The following LEPR variants were observed in gnomAD, a reference collection of about 807,000 sequenced individuals.
LEPR encodes the protein leptin receptor, also known as OB receptor.
A neutral mutation model predicts 114.7 loss-of-function variants in LEPR; 56 were observed. The observed-to-expected ratio is 0.49, with a 90% confidence interval of 0.39 to 0.61. LEPR has a LOEUF of 0.61. Ranked by LOEUF, LEPR falls within the 20% of genes least tolerant of loss-of-function variation. LEPR has a pLI of 0.00. For synonymous variants in LEPR, 443 were observed against 461.4 expected, an observed-to-expected ratio of 0.96 and a Z score of 0.51; for missense variants, 1,202 against 1,352.9, an observed-to-expected ratio of 0.89 and a Z score of 1.75.
intron 2 of LEPR, among the ~76,000 whole-genome samples, chr1:65,558,112 G>A (rs1352850870): frequency 6.6e-6 from 1 of 152,172 alleles, no homozygotes; most frequent in Non-Finnish European, 1.5e-5. Context: ...TGTTGTATCT[G>A]TGACACATCT....
intron 2 of LEPR, among the ~76,000 whole-genome samples, chr1:65,547,426 C>A (rs1465953332): frequency 2.0e-5 from 3 of 151,772 alleles, no homozygotes; most frequent in African/African-American, 7.3e-5. Context: ...GGCTGTGAAT[C>A]CATCTGGTCC....
At chr1:65,583,917 C>A (rs776688417) in intron 5 of LEPR, among the ~76,000 whole-genome samples, 7 of 151,888 alleles carry the variant, frequency 4.6e-5, no homozygotes, top group Non-Finnish European at 1.0e-4. Flanking sequence ...TAAAAAAGAA[C>A]CCAGTGACAT....
chr1:65,432,822 A>T (rs1245261023), intron 2 of LEPR: 1 of 610,978 alleles, frequency 1.6e-6, no homozygotes, highest in South Asian at 7.3e-5. Flanking sequence ...ATGTTCTCAT[A>T]AAAAAGTTAA....
At chr1:65,623,391 A>T (rs954756488) in intron 19 of LEPR, 1 of 154,298 alleles carries the variant, frequency 6.5e-6, no homozygotes, top group Non-Finnish European at 1.4e-5. Context: ...AAATTAGAAA[A>T]TTATATAATC....
chr1:65,460,227 G>A (rs1050361620), intron 2 of LEPR, among the ~76,000 whole-genome samples: 6 of 152,090 alleles, frequency 3.9e-5, no homozygotes, highest in African/African-American at 1.2e-4. Flanking sequence ...TTTTATAGCT[G>A]AGGACTGAAG....
intron 5 of LEPR, among the ~76,000 whole-genome samples, chr1:65,591,023 C>T (rs989963832): frequency 2.6e-5 from 4 of 151,948 alleles, no homozygotes; most frequent in African/African-American, 9.7e-5. Context: ...AAGCAATATC[C>T]TACCTTAAAG....
rs1649960863 is a variant in LEPR, at chr1:65,526,261, A to T, written c.-20-39285A>T. ...GAGAAAAAATAATTGTTCTGTAGGG[A>T]TGGTTTAGACCTCAGCTTTTGTTTC... On this transcript the variant is annotated intron_variant, in intron 2 of 19. Coordinates refer to ENST00000349533, the MANE Select transcript of LEPR (RefSeq NM_002303.6). The T allele has an allele frequency of 4.1e-6, 4 of 985,402 alleles. No individual in the cohort carries two copies. The South Asian group carries it at 1.9e-4, about 46-fold the overall frequency. The allele number at this position is 985,402 out of a possible 1,614,324, so 61.0% of individuals were successfully genotyped here.
chr1:65,622,155 T>A (rs1298719350), intron 18 of LEPR, among the ~76,000 whole-genome samples: 1 of 152,020 alleles, frequency 6.6e-6, no homozygotes, highest in East Asian at 1.9e-4. Flanking sequence ...TTAAAAAAAA[T>A]GTACATACAT....
chr1:65,603,005 A>G lies in LEPR; in HGVS notation c.1403+1045A>G, dbSNP rs570640995. On this transcript the variant is annotated intron_variant, in intron 10 of 19. Transcript: ENST00000349533. ...ATGGAAAACTATTATGTTAAGCCCC[A>G]TGCCTTGTTTCTCTTATTAACATTT... 3.5e-4 allele frequency among the ~76,000 whole-genome samples: 54 copies of G among 152,246 alleles called. 1 individual carries two copies. In the South Asian group the frequency reaches 0.011, roughly 30 times the overall value.
At chr1:65,606,450 A>G (rs1391040907) in intron 11 of LEPR, among the ~76,000 whole-genome samples, 1 of 152,192 alleles carries the variant, frequency 6.6e-6, no homozygotes, top group Non-Finnish European at 1.5e-5. Context: ...TTAGTACTAG[A>G]AAGTAACTCA....
At position 65,601,396 on chromosome 1, in the gene LEPR, C is replaced by A. The variant is rs2100932960; in HGVS notation, c.999C>A (p.Val333=). Residue 333 remains valine (V), a synonymous_variant, in exon 9 of 20, where the codon GTC becomes GTA. Transcript: ENST00000349533. The part of the protein sequence containing the change: ...STPRVFTTQD[V]IYFPPKILTS... ...TCCTTTCTTCCCTCATTACAGATGT[C>A]ATATACTTTCCACCTAAAATTCTGA... is the stretch of plus-strand genomic sequence containing the variant. The A allele has an allele frequency of 6.2e-7, 1 of 1,612,446 alleles. No homozygotes were observed. Among genetic ancestry groups the A allele is most frequent in the South Asian group, 1.1e-5 (1 of 90,962 alleles).
chr1:65,454,103 A>C (rs1248058065), intron 2 of LEPR, among the ~76,000 whole-genome samples: 2 of 150,924 alleles, frequency 1.3e-5, no homozygotes, highest in East Asian at 3.9e-4. Flanking sequence ...TAGGATTGCA[A>C]CCCCTGCCTT....
At chr1:65,558,528 T>G (rs1348275273) in intron 2 of LEPR, among the ~76,000 whole-genome samples, 1 of 47,728 alleles carries the variant, frequency 2.1e-5, no homozygotes, top group African/African-American at 7.6e-5. Context: ...AATCAGAAGT[T>G]TTTTTTTTTG....
chr1:65,630,289 G>C, intron 19 of LEPR: 1 of 294,622 alleles, frequency 3.4e-6, no homozygotes. Context: ...AAGGCCACAG[G>C]GTCCTCTGCA....
intron 2 of LEPR, among the ~76,000 whole-genome samples, chr1:65,453,419 T>G (rs1040276182): frequency 6.6e-6 from 1 of 152,162 alleles, no homozygotes. Flanking sequence ...GGGCATTTAG[T>G]GCTATACATT....
In LEPR at chr1:65,639,582, G is replaced by C. The variant is rs1009387405; in HGVS notation, c.*2567G>C. 11 of 152,102 alleles carry C rather than the reference G, an allele frequency of 7.2e-5. No homozygotes were observed. The highest frequency in any genetic ancestry group is 2.7e-4 in the African/African-American group (11 of 41,416). The allele number at this position is 152,102 out of a possible 1,614,324, so 9.4% of individuals were successfully genotyped here. On this transcript the variant is annotated 3_prime_UTR_variant, in exon 20 of 20. Transcript: ENST00000349533. Reference sequence around the variant, plus strand: ...CAGGAACTTCCCATTTCTTCCCACAGCTTCTATAAAAAAAATTTAAAAGGA... The same window carrying C: ...CAGGAACTTCCCATTTCTTCCCACACCTTCTATAAAAAAAATTTAAAAGGA...
Position 65,525,866 on chromosome 1 carries a change from G to T in LEPR, c.-20-39680G>T, listed in dbSNP as rs182860625. The T allele has an allele frequency of 3.1e-6, 3 of 977,828 alleles. No homozygotes were observed. In the African/African-American group the frequency reaches 5.2e-5, roughly 17 times the overall value. The allele number at this position is 977,828 out of a possible 1,614,324, so 60.6% of individuals were successfully genotyped here. A position where few individuals can be genotyped will look rare whatever the true frequency, so the allele number is the denominator to read the frequency against. On this transcript the variant is annotated intron_variant, in intron 2 of 19. Transcript: ENST00000349533. ...ACACCCCCTATTGCCACCTCTTCCC[G>T]CTCTGGGTAACTCGAGAATGGGGCT...
chr1:65,500,754 G>A (rs1380458959), intron 2 of LEPR, among the ~76,000 whole-genome samples: 2 of 152,008 alleles, frequency 1.3e-5, no homozygotes, highest in Admixed American at 1.3e-4. Context: ...AAGTGCTTGG[G>A]GAGTCAAAAG....
chr1:65,634,982 T>C, intron 19 of LEPR: 1 of 814,792 alleles, frequency 1.2e-6, no homozygotes, highest in Non-Finnish European at 1.5e-6. Flanking sequence ...AGTATTTTAA[T>C]ACCTACATAA....
Sources: gnomAD v4.1 joint callset for allele counts (sites outside exome capture counted in the v4.1 genomes callset) on GRCh38, gnomAD v4.1.1 for gene constraint, MANE v1.5 for transcripts, NCBI Gene and HGNC (gene_info 2026-07-23, HGNC 2026-07-21) for gene names.